Variants in PTPRM observed in about 807,000 individuals in gnomAD.
The protein encoded by PTPRM is protein tyrosine phosphatase receptor type M.
Under a neutral mutation model 186.7 loss-of-function variants are expected in PTPRM, and 47 were observed. That is an observed-to-expected ratio of 0.25 (90% CI 0.20 to 0.32). PTPRM has a LOEUF of 0.32. Among genes scored for constraint, PTPRM ranks in the 10% least tolerant of loss-of-function variants. The pLI is 1.00. For missense variants in PTPRM, 1,494 were observed against 1,865.0 expected, an observed-to-expected ratio of 0.80 and a Z score of 3.66; for synonymous variants, 668 against 674.9, an observed-to-expected ratio of 0.99 and a Z score of 0.16.
intron 13 of PTPRM, among the ~76,000 whole-genome samples, chr18:8,140,362 G>A (rs1200905005): frequency 1.3e-5 from 2 of 151,820 alleles, no homozygotes; most frequent in Admixed American, 1.3e-4. Context: ...TTGAACACTG[G>A]GCCAAAGTGG....
At chr18:8,125,992 TATATATATATATATATATATATA>T (rs2092331395) in intron 13 of PTPRM, among the ~76,000 whole-genome samples, 3 of 8,830 alleles carry the variant, frequency 3.4e-4, no homozygotes, top group African/African-American at 4.7e-4. Flanking sequence ...TATATATATA[TATATATATATATATATATATATA>T]TATATATATA....
chr18:8,074,798 A>T (rs972836849), intron 8 of PTPRM, among the ~76,000 whole-genome samples: 4 of 152,280 alleles, frequency 2.6e-5, no homozygotes, highest in Non-Finnish European at 4.4e-5. Flanking sequence ...TACAGTCTAG[A>T]TACAAATCTC....
intron 14 of PTPRM, among the ~76,000 whole-genome samples, chr18:8,162,095 T>G (rs1053670375): frequency 5.3e-5 from 8 of 151,612 alleles, no homozygotes; most frequent in Admixed American, 1.3e-4. Context: ...TTTTGTGGGG[T>G]TTTTTTCTTT....
At chr18:7,942,646 G>C (rs527283260) in intron 5 of PTPRM, among the ~76,000 whole-genome samples, 47 of 152,156 alleles carry the variant, frequency 3.1e-4, no homozygotes, top group African/African-American at 1.0e-3. Context: ...TGCTTGGTGG[G>C]GGGGCGGGGA....
chr18:8,114,645 C>CAAAGAATA, intron 12 of PTPRM, 146 bp from the exon 13 acceptor site: 1 of 705,750 alleles, frequency 1.4e-6, no homozygotes, highest in Non-Finnish European at 2.4e-6. Flanking sequence ...GAGTATGGTT[C>CAAAGAATA]AAAGAATAAT....
chr18:7,717,409 C>A (rs1462412003), intron 1 of PTPRM, among the ~76,000 whole-genome samples: 1 of 152,162 alleles, frequency 6.6e-6, no homozygotes, highest in South Asian at 2.1e-4. Context: ...AGATTACCTA[C>A]CTGCCCCATC....
chr18:8,088,681 A>T, intron 10 of PTPRM, 68 bp from the exon 11 acceptor site: 2 of 1,291,224 alleles, frequency 1.5e-6, no homozygotes, highest in Non-Finnish European at 2.3e-6. Context: ...TTGTAAAAGA[A>T]AGTGGAAACT....
intron 2 of PTPRM, among the ~76,000 whole-genome samples, chr18:7,876,657 G>T (rs1026034796): frequency 4.6e-5 from 7 of 152,166 alleles, no homozygotes; most frequent in Non-Finnish European, 7.3e-5. Flanking sequence ...GCCTGGACCT[G>T]CCCCCGTGGT....
chr18:7,834,011 G>A (rs2045897941), intron 2 of PTPRM, among the ~76,000 whole-genome samples: 1 of 152,046 alleles, frequency 6.6e-6, no homozygotes, highest in Non-Finnish European at 1.5e-5. Context: ...ATAACAGTGG[G>A]GAAAGAGGGA....
chr18:8,139,938 T>C (rs2092725554), intron 13 of PTPRM, among the ~76,000 whole-genome samples: 1 of 152,206 alleles, frequency 6.6e-6, no homozygotes, highest in Non-Finnish European at 1.5e-5. Context: ...CTCACCACTG[T>C]ATTCCTTAAA....
chr18:7,844,413 C>T (rs1386327778), intron 2 of PTPRM, among the ~76,000 whole-genome samples: 2 of 152,154 alleles, frequency 1.3e-5, no homozygotes, highest in East Asian at 3.9e-4. Context: ...ATTTGCACAG[C>T]TTCTCAAATA....
intron 14 of PTPRM, among the ~76,000 whole-genome samples, chr18:8,209,345 T>A (rs1309750363): frequency 6.6e-6 from 1 of 152,040 alleles, no homozygotes; most frequent in Non-Finnish European, 1.5e-5. Flanking sequence ...TTCAGACGTA[T>A]TTTCAAGGTA....
At chr18:8,248,518 T>C (rs2094498329) in intron 17 of PTPRM, among the ~76,000 whole-genome samples, 1 of 152,204 alleles carries the variant, frequency 6.6e-6, no homozygotes, top group Non-Finnish European at 1.5e-5. Context: ...CTGTGTACTT[T>C]CCAAGAGCTG....
chr18:8,235,369 C>T (rs551444080), intron 14 of PTPRM, among the ~76,000 whole-genome samples: 5 of 150,666 alleles, frequency 3.3e-5, no homozygotes, highest in African/African-American at 1.2e-4. Context: ...TAGAGTTGTT[C>T]GTAATATTCT....
At chr18:8,083,235 A>C (rs1371506321) in intron 9 of PTPRM, among the ~76,000 whole-genome samples, 1 of 152,156 alleles carries the variant, frequency 6.6e-6, no homozygotes, top group Non-Finnish European at 1.5e-5. Context: ...TTTCATGCTT[A>C]AAAACGTTCA....
chr18:8,104,278 C>T (rs774771049), intron 11 of PTPRM, among the ~76,000 whole-genome samples: 7 of 152,068 alleles, frequency 4.6e-5, no homozygotes, highest in Middle Eastern at 3.2e-3. Context: ...AAGCTGGGTA[C>T]GCCTTTATTA....
intron 2 of PTPRM, 123 bp from the exon 3 acceptor site, chr18:7,887,983 G>A (rs745768722): frequency 5.5e-6 from 6 of 1,092,392 alleles, no homozygotes; most frequent in African/African-American, 4.6e-5. Context: ...GGAAGAAATG[G>A]CAGTTTAAGC....
intron 1 of PTPRM, among the ~76,000 whole-genome samples, chr18:7,572,236 T>C (rs560709574): frequency 4.6e-5 from 7 of 152,276 alleles, no homozygotes; most frequent in South Asian, 2.1e-4. Context: ...TCTATTGACA[T>C]GTAGTGATAT....
intron 25 of PTPRM, 62 bp from the exon 26 acceptor site, chr18:8,376,400 A>G: frequency 6.2e-7 from 1 of 1,608,504 alleles, no homozygotes; most frequent in Non-Finnish European, 8.5e-7. Context: ...TAAAAAATTT[A>G]AAAAGCAGCA....
Sources: allele counts gnomAD v4.1 joint callset (sites outside exome capture counted in the v4.1 genomes callset), GRCh38; gene constraint gnomAD v4.1.1; transcripts MANE v1.5; gene names NCBI Gene and HGNC (gene_info 2026-07-23, HGNC 2026-07-21).